Variants in ANOS1 observed in about 807,000 individuals in gnomAD.
ANOS1 encodes the protein anosmin 1.
Under a neutral mutation model 59.0 loss-of-function variants are expected in ANOS1, and 6 were observed. That is an observed-to-expected ratio of 0.10 (90% CI 0.06 to 0.20). ANOS1 has a LOEUF of 0.20. Among genes scored for constraint, ANOS1 ranks in the 10% least tolerant of loss-of-function variants. The pLI is 1.00. For missense variants in ANOS1, 433 were observed against 542.3 expected, an observed-to-expected ratio of 0.80 and a Z score of 2.00; for synonymous variants, 217 against 223.4, an observed-to-expected ratio of 0.97 and a Z score of 0.25.
chrX:8,698,534 A>G (rs966273211), intron 2 of ANOS1, among the ~76,000 whole-genome samples: 1 of 112,264 alleles, frequency 8.9e-6, no homozygotes, highest in Non-Finnish European at 1.9e-5. Flanking sequence ...GGCATGAAAA[A>G]GTTATCTAAA....
chrX:8,615,156 G>A (rs759390789), intron 3 of ANOS1, among the ~76,000 whole-genome samples: 1 of 111,433 alleles, frequency 9.0e-6, no homozygotes, highest in East Asian at 2.8e-4. Context: ...AGAAATACAA[G>A]TAACACTTTT....
At chrX:8,546,208 G>C (rs1042322774) in intron 9 of ANOS1, among the ~76,000 whole-genome samples, 1 of 111,864 alleles carries the variant, frequency 8.9e-6, no homozygotes, top group African/African-American at 3.2e-5. Context: ...TGAATGTCTG[G>C]GGAAACTTTG....
At chrX:8,636,098 G>A (rs766615332) in intron 2 of ANOS1, among the ~76,000 whole-genome samples, 32 of 111,873 alleles carry the variant, frequency 2.9e-4, no homozygotes, top group Non-Finnish European at 5.6e-4. Context: ...AAGTTGAATG[G>A]AGATTAGGAT....
chrX:8,554,941 A>G (rs1029754161), intron 8 of ANOS1, among the ~76,000 whole-genome samples: 3 of 111,252 alleles, frequency 2.7e-5, no homozygotes, highest in African/African-American at 9.8e-5. Flanking sequence ...TCTCAGCACC[A>G]TATAGCACTT....
rs1930089990 is a variant in ANOS1 at position 8,565,180 on chromosome X, G to C, written c.1207+3052C>G. On this transcript the variant is annotated intron_variant, in intron 8 of 13. Coordinates refer to ENST00000262648, the MANE Select transcript of ANOS1 (RefSeq NM_000216.4). ...GAAATTAACAGATATTAAATTATGG[G>C]AATTTGCAATCCCATACCAGTTTCT... Among the ~76,000 whole-genome samples, 3 of 111,834 alleles carry C rather than the reference G, an allele frequency of 2.7e-5. No homozygotes were observed. The South Asian group carries it at 1.1e-3, about 41-fold the overall frequency.
intron 6 of ANOS1, among the ~76,000 whole-genome samples, chrX:8,583,137 T>TC (rs61230000): frequency 7.4e-5 from 8 of 108,190 alleles, no homozygotes; most frequent in African/African-American, 2.4e-4. Flanking sequence ...TTTTTTTTTT[T>TC]CCCAAATAGG....
intron 3 of ANOS1, among the ~76,000 whole-genome samples, chrX:8,617,001 A>G (rs1026468253): frequency 8.9e-6 from 1 of 112,682 alleles, no homozygotes; most frequent in African/African-American, 3.2e-5. Context: ...CAGTTTGGAC[A>G]TATATCTGTT....
chrX:8,610,027 A>C (rs1014279648), intron 3 of ANOS1, among the ~76,000 whole-genome samples: 2 of 89,238 alleles, frequency 2.2e-5, no homozygotes, highest in Non-Finnish European at 4.4e-5. Context: ...AAAAAAAAAA[A>C]AAAAAAAACA....
In ANOS1 at chrX:8,597,170, C is replaced by G; in HGVS notation, c.405G>C (p.Pro135=). 2 of 1,211,526 alleles carry G rather than the reference C, an allele frequency of 1.7e-6. No individual in the cohort carries two copies. The highest frequency in any genetic ancestry group is 5.9e-5 in the East Asian group (2 of 33,827). The part of the protein sequence containing the change: ...YILLVKQGDC[P]APEKASGFAA... ...CAAATCCACTGGCTTTCTCAGGAGC[C>G]GGACAGTCCCCCTGCTTCACCAACA... The change falls in exon 4 of 14, where the codon CCG becomes CCC. Residue 135 remains proline (P), a synonymous_variant. Transcript: ENST00000262648.
At chrX:8,624,977 C>T (rs1387317140) in intron 2 of ANOS1, among the ~76,000 whole-genome samples, 1 of 109,624 alleles carries the variant, frequency 9.1e-6, no homozygotes, top group Non-Finnish European at 1.9e-5. Context: ...GGCATTGTGG[C>T]GCCCACCTGT....
chrX:8,703,250 G>A (rs911297404), intron 1 of ANOS1, among the ~76,000 whole-genome samples: 5 of 112,317 alleles, frequency 4.5e-5, no homozygotes, highest in African/African-American at 1.6e-4. Context: ...CACAGAGAAG[G>A]CACATTTCTG....
At chrX:8,690,806 A>G (rs5978944) in intron 2 of ANOS1, among the ~76,000 whole-genome samples, 40,967 of 110,296 alleles carry the variant, frequency 0.37, 5,632 homozygotes, top group East Asian at 0.61. Context: ...AACAGTTAGG[A>G]GTTGTACCCT....
intron 1 of ANOS1, among the ~76,000 whole-genome samples, chrX:8,723,237 C>T (rs761437086): frequency 2.7e-5 from 3 of 112,352 alleles, no homozygotes; most frequent in South Asian, 7.3e-4. Flanking sequence ...AGAGCTTTTG[C>T]GCGGCAAAAA....
At chrX:8,708,350 T>A (rs1186898136) in intron 1 of ANOS1, among the ~76,000 whole-genome samples, 1 of 111,839 alleles carries the variant, frequency 8.9e-6, no homozygotes, top group East Asian at 2.8e-4. Context: ...GAGAAAAATT[T>A]TGCAATCTAT....
rs1198785932 is a variant in ANOS1, at chrX:8,698,906, A to G, written c.255+792T>C. Among the ~76,000 whole-genome samples, 2 of 112,046 alleles carry G rather than the reference A, an allele frequency of 1.8e-5. 1 individual carries two copies. The highest frequency in any genetic ancestry group is 3.8e-5 in the Non-Finnish European group (2 of 53,177). ...AAATATGCTATTTCAAGATTATTAT[A>G]TATTCCTTAGATTACTTGTTGTTTA... On this transcript the variant is annotated intron_variant, in intron 2 of 13. Coordinates refer to ENST00000262648, the MANE Select transcript of ANOS1 (RefSeq NM_000216.4).
chrX:8,720,199 T>C (rs751624620), intron 1 of ANOS1, among the ~76,000 whole-genome samples: 6 of 111,824 alleles, frequency 5.4e-5, no homozygotes, highest in Non-Finnish European at 1.1e-4. Context: ...TGGAAATGGC[T>C]GTCACATACA....
chrX:8,659,694 T>A (rs1932004928), intron 2 of ANOS1, among the ~76,000 whole-genome samples: 1 of 107,556 alleles, frequency 9.3e-6, no homozygotes, highest in African/African-American at 3.4e-5. Context: ...AGTGGTGCAA[T>A]CTTGGCTCAC....
intron 1 of ANOS1, among the ~76,000 whole-genome samples, chrX:8,724,619 T>G (rs915123304): frequency 1.8e-5 from 2 of 112,463 alleles, no homozygotes; most frequent in African/African-American, 3.2e-5. Flanking sequence ...CCAAAGGTTA[T>G]TCCCTTAAAA....
chrX:8,596,950 A>T, intron 4 of ANOS1, 84 bp downstream of exon 4: 3 of 1,187,549 alleles, frequency 2.5e-6, no homozygotes, highest in Non-Finnish European at 3.4e-6. Flanking sequence ...GACTTTTCAC[A>T]CCTATGATGG....
Sources: gnomAD v4.1 joint callset for allele counts (sites outside exome capture counted in the v4.1 genomes callset) on GRCh38, gnomAD v4.1.1 for gene constraint, MANE v1.5 for transcripts, NCBI Gene and HGNC (gene_info 2026-07-23, HGNC 2026-07-21) for gene names.